CNTN4: variants seen among roughly 807,000 people sequenced by gnomAD.
CNTN4 encodes contactin 4, also known as contactin-4.
Under a neutral mutation model 122.5 loss-of-function variants are expected in CNTN4, and 77 were observed. The observed-to-expected ratio is 0.63, with a 90% CI of 0.52 to 0.76. The LOEUF is 0.76. CNTN4 is among the 30% of genes least tolerant of loss of function. The probability of loss-of-function intolerance (pLI) is 0.00; values close to 1 mark genes in which losing one functional copy is unlikely to be tolerated. For missense variants in CNTN4, 1,256 were observed against 1,259.1 expected, an observed-to-expected ratio of 1.00 and a Z score of 0.04; for synonymous variants, 512 against 447.0, an observed-to-expected ratio of 1.15 and a Z score of -1.83.
rs562913431 is a variant in CNTN4, at chr3:2,800,795, T to C, written c.359-18691T>C. 1.4e-4 allele frequency among the ~76,000 whole-genome samples: 21 copies of C among 152,334 alleles called. No individual in the cohort carries two copies. In the East Asian group the frequency reaches 4.0e-3, roughly 29 times the overall value. On this transcript the variant is annotated intron_variant, in intron 6 of 24. Transcript: ENST00000418658. ...CATTCTGTTCCAGCCAAACTGGCTC[T>C]GTGATATTCCTCAAACATGTTCAGA... is the stretch of plus-strand genomic sequence containing the variant.
chr3:2,279,366 A>C (rs983208828), intron 2 of CNTN4, among the ~76,000 whole-genome samples: 1 of 152,186 alleles, frequency 6.6e-6, no homozygotes, highest in African/African-American at 2.4e-5. Context: ...TGCAAGATAT[A>C]ATGAGCAACT....
At chr3:2,223,542 A>C (rs1176025624) in intron 2 of CNTN4, among the ~76,000 whole-genome samples, 1 of 152,154 alleles carries the variant, frequency 6.6e-6, no homozygotes. Flanking sequence ...AATAATAATT[A>C]TTATTGCCTC....
intron 2 of CNTN4, among the ~76,000 whole-genome samples, chr3:2,155,651 A>C (rs536702674): frequency 2.0e-5 from 3 of 152,296 alleles, no homozygotes; most frequent in Non-Finnish European, 4.4e-5. Flanking sequence ...TGACCATGCT[A>C]TCCAAGCACC....
intron 3 of CNTN4, among the ~76,000 whole-genome samples, chr3:2,553,290 A>T (rs1469080273): frequency 6.6e-6 from 1 of 152,006 alleles, no homozygotes; most frequent in Non-Finnish European, 1.5e-5. Context: ...TCCAACTAGC[A>T]CTCATTCCGG....
chr3:2,246,076 C>G (rs1364276898), intron 2 of CNTN4, among the ~76,000 whole-genome samples: 4 of 151,806 alleles, frequency 2.6e-5, no homozygotes, highest in Non-Finnish European at 5.9e-5. Flanking sequence ...GTCAGTGGTC[C>G]CAATTATTTT....
chr3:2,401,010 C>G (rs940096057), intron 3 of CNTN4, among the ~76,000 whole-genome samples: 10 of 152,086 alleles, frequency 6.6e-5, no homozygotes, highest in Admixed American at 3.3e-4. Context: ...CATAAATAAT[C>G]ACTTCATTTT....
intron 3 of CNTN4, among the ~76,000 whole-genome samples, chr3:2,485,947 C>G (rs961566544): frequency 6.6e-6 from 1 of 152,146 alleles, no homozygotes; most frequent in Non-Finnish European, 1.5e-5. Flanking sequence ...CAGTGGCAAC[C>G]CGCGCAGGTG....
Position 2,220,984 on chromosome 3 carries a change from C to G in CNTN4, c.-144-118194C>G, listed in dbSNP as rs193015490. Among the ~76,000 whole-genome samples, 660 of 152,210 alleles carry G rather than the reference C, an allele frequency of 4.3e-3. 5 individuals carry two copies. The highest frequency in any genetic ancestry group is 0.015 in the African/African-American group (619 of 41,562). On this transcript the variant is annotated intron_variant, in intron 2 of 24. Transcript: ENST00000418658. ...CTTGATGCACATTAATACTTCATCT[C>G]AAGCCAGAATGTAAGATTCGGACTG...
chr3:2,778,172 C>G (rs569098491), intron 6 of CNTN4, among the ~76,000 whole-genome samples: 14 of 140,124 alleles, frequency 1.0e-4, no homozygotes, highest in Non-Finnish European at 1.9e-4. Flanking sequence ...CGAGATCGCG[C>G]CACTGCACTC....
intron 6 of CNTN4, among the ~76,000 whole-genome samples, chr3:2,807,974 G>A (rs1352755934): frequency 2.0e-5 from 3 of 152,200 alleles, no homozygotes; most frequent in Non-Finnish European, 2.9e-5. Context: ...TCATTTGCGA[G>A]TAGGAAGTGA....
chr3:2,309,416 A>G (rs1388466591), intron 2 of CNTN4, among the ~76,000 whole-genome samples: 1 of 152,214 alleles, frequency 6.6e-6, no homozygotes, highest in Non-Finnish European at 1.5e-5. Flanking sequence ...GTGTATAAAT[A>G]TCTACCTTTT....
chr3:2,876,110 A>T (rs1270306894), intron 8 of CNTN4, among the ~76,000 whole-genome samples: 1 of 152,202 alleles, frequency 6.6e-6, no homozygotes, highest in African/African-American at 2.4e-5. Context: ...GTTTCTGAGG[A>T]CACCTTAAAA....
chr3:2,544,865 T>A (rs2078180580), intron 3 of CNTN4, among the ~76,000 whole-genome samples: 1 of 152,068 alleles, frequency 6.6e-6, no homozygotes, highest in South Asian at 2.1e-4. Context: ...CACATCTCAA[T>A]TTCCTTCAGT....
At chr3:2,365,294 T>C (rs4450791) in intron 3 of CNTN4, among the ~76,000 whole-genome samples, 109,621 of 152,012 alleles carry the variant, frequency 0.72, 40,159 homozygotes, top group East Asian at 0.87. Flanking sequence ...CAGCTCCTCT[T>C]GGTCCCTCAT....
At chr3:2,707,749 T>C (rs1258462442) in intron 4 of CNTN4, among the ~76,000 whole-genome samples, 1 of 152,132 alleles carries the variant, frequency 6.6e-6, no homozygotes, top group Non-Finnish European at 1.5e-5. Context: ...GCTCAAGTGA[T>C]CCTCCCCCTT....
chr3:2,556,745 T>C (rs1485408186), intron 3 of CNTN4, among the ~76,000 whole-genome samples: 2 of 152,280 alleles, frequency 1.3e-5, no homozygotes, highest in Non-Finnish European at 1.5e-5. Context: ...GTATTTTTCC[T>C]GTATTCTAAC....
intron 3 of CNTN4, among the ~76,000 whole-genome samples, chr3:2,420,722 G>A (rs887841010): frequency 2.6e-5 from 4 of 151,988 alleles, no homozygotes; most frequent in Admixed American, 6.6e-5. Context: ...GTGGGCCACC[G>A]CGCCTGGCCA....
intron 16 of CNTN4, among the ~76,000 whole-genome samples, chr3:3,031,357 CCACTGGTAT>C (rs1699147419): frequency 1.3e-5 from 2 of 152,264 alleles, no homozygotes; most frequent in South Asian, 4.1e-4. Flanking sequence ...GTATCCTAGG[CCACTGGTAT>C]AACAGCAGCT....
At chr3:2,493,716 C>A (rs999916272) in intron 3 of CNTN4, among the ~76,000 whole-genome samples, 1 of 152,002 alleles carries the variant, frequency 6.6e-6, no homozygotes, top group Non-Finnish European at 1.5e-5. Context: ...ACTGTAATTG[C>A]TAACACATTC....
Sources: gnomAD v4.1 joint callset for allele counts (sites outside exome capture counted in the v4.1 genomes callset) on GRCh38, gnomAD v4.1.1 for gene constraint, MANE v1.5 for transcripts, NCBI Gene and HGNC (gene_info 2026-07-23, HGNC 2026-07-21) for gene names.